The following SYT11 variants were observed in gnomAD, a reference collection of about 807,000 sequenced individuals.
The protein encoded by SYT11 is synaptotagmin 11, also known as synaptotagmin-11.
A neutral mutation model predicts 30.4 loss-of-function variants in SYT11; 12 were observed. The observed-to-expected ratio is 0.39, with a 90% CI of 0.25 to 0.64. SYT11 has a LOEUF of 0.64. Among genes scored for constraint, SYT11 ranks in the 30% least tolerant of loss-of-function variants. The probability of loss-of-function intolerance (pLI) is 0.45; values close to 1 mark genes in which losing one functional copy is unlikely to be tolerated. For synonymous variants in SYT11, 204 were observed against 216.0 expected (o/e 0.94, Z 0.49); for missense variants, 412 against 552.0 (o/e 0.75, Z 2.54).
chr1:155,874,632 T>G (rs1041235858), intron 2 of SYT11, among the ~76,000 whole-genome samples: 1 of 149,828 alleles, frequency 6.7e-6, no homozygotes, highest in Non-Finnish European at 1.5e-5. Flanking sequence ...GGCTGACGCC[T>G]GTAATCCCAG....
chr1:155,877,799 G>A (rs897614090), intron 2 of SYT11, among the ~76,000 whole-genome samples: 2 of 151,964 alleles, frequency 1.3e-5, no homozygotes, highest in African/African-American at 4.8e-5. Flanking sequence ...CTCGTGATCC[G>A]CCTGCCTCGG....
chr1:155,878,718 T>A (rs1445146248), intron 2 of SYT11, among the ~76,000 whole-genome samples: 2 of 151,124 alleles, frequency 1.3e-5, no homozygotes, highest in Non-Finnish European at 3.0e-5. Context: ...ACAAAAAAAA[T>A]TAGCCGGGCG....
intron 2 of SYT11, among the ~76,000 whole-genome samples, chr1:155,874,596 A>T (rs1163050451): frequency 6.7e-6 from 1 of 149,408 alleles, no homozygotes; most frequent in Non-Finnish European, 1.5e-5. Context: ...CCCTATCTCA[A>T]AAATAAAAAT....
intron 1 of SYT11, among the ~76,000 whole-genome samples, chr1:155,866,530 T>C (rs1002202383): frequency 2.0e-4 from 30 of 152,256 alleles, no homozygotes; most frequent in Non-Finnish European, 2.5e-4. Context: ...ATGAGACTTA[T>C]ATTCTAGTGA....
At chr1:155,873,709 C>T (rs942002602) in intron 2 of SYT11, among the ~76,000 whole-genome samples, 1 of 152,126 alleles carries the variant, frequency 6.6e-6, no homozygotes, top group Non-Finnish European at 1.5e-5. Flanking sequence ...CTACTAGCTA[C>T]ATGTCGCTAT....
intron 2 of SYT11, among the ~76,000 whole-genome samples, chr1:155,875,150 G>A (rs1047036492): frequency 7.1e-6 from 1 of 140,866 alleles, no homozygotes; most frequent in African/African-American, 2.5e-5. Context: ...CTACTCGGGA[G>A]GCTGAGGCAG....
rs538523226 is a variant in SYT11, at chr1:155,878,614, C to A, written c.862-1886C>A. ...GGCGCGGTGGCTCACGCCTGTAATC[C>A]CAGCACTTTGGGAGGCCGAGACGGG... On this transcript the variant is annotated intron_variant, in intron 2 of 3. Coordinates refer to ENST00000368324, the MANE Select transcript of SYT11 (RefSeq NM_152280.5). Among the ~76,000 whole-genome samples, 192 of 152,172 alleles carry A rather than the reference C, an allele frequency of 1.3e-3. 1 individual carries two copies. Among genetic ancestry groups the A allele is most frequent in the African/African-American group, 4.4e-3 (181 of 41,502 alleles).
chr1:155,875,877 A>G lies in SYT11; in HGVS notation c.862-4623A>G, dbSNP rs144232501. 4.0e-3 allele frequency among the ~76,000 whole-genome samples: 602 copies of G among 152,266 alleles called. 5 individuals are homozygous for G. The highest frequency in any genetic ancestry group is 0.014 in the African/African-American group (577 of 41,552). On this transcript the variant is annotated intron_variant, in intron 2 of 3. Coordinates refer to ENST00000368324, the MANE Select transcript of SYT11 (RefSeq NM_152280.5). Reference sequence around the variant, plus strand: ...GCTTATTTCTTGTTTTTTATTGATGAGTTAATTGGCATATTTGCTGCCGCT... The same window carrying G: ...GCTTATTTCTTGTTTTTTATTGATGGGTTAATTGGCATATTTGCTGCCGCT...
chr1:155,878,191 C>T (rs12566389), intron 2 of SYT11, among the ~76,000 whole-genome samples: 2 of 150,270 alleles, frequency 1.3e-5, no homozygotes, highest in African/African-American at 2.5e-5. Flanking sequence ...TGCAGAAAGC[C>T]GAGATCTCAC....
intron 1 of SYT11, among the ~76,000 whole-genome samples, chr1:155,866,520 A>G (rs1672678724): frequency 1.3e-5 from 2 of 152,234 alleles, no homozygotes; most frequent in Non-Finnish European, 2.9e-5. Context: ...TTTTGTCCTC[A>G]TGAGACTTAT....
intron 2 of SYT11, among the ~76,000 whole-genome samples, chr1:155,873,559 T>G (rs951079598): frequency 2.6e-5 from 4 of 152,234 alleles, no homozygotes; most frequent in Admixed American, 6.5e-5. Context: ...GAAATGGATA[T>G]ATCAAACCTA....
At chr1:155,865,044 T>C (rs1410415123) in intron 1 of SYT11, among the ~76,000 whole-genome samples, 4 of 152,140 alleles carry the variant, frequency 2.6e-5, no homozygotes, top group Non-Finnish European at 2.9e-5. Flanking sequence ...GGAGGCTGTT[T>C]TGAATTCACT....
chr1:155,879,612 C>G (rs147761017), intron 2 of SYT11, among the ~76,000 whole-genome samples: 2 of 152,242 alleles, frequency 1.3e-5, no homozygotes, highest in Non-Finnish European at 2.9e-5. Flanking sequence ...GGGACAGGTT[C>G]AGGGACTTGC....
At chr1:155,866,111 T>C (rs956039780) in intron 1 of SYT11, among the ~76,000 whole-genome samples, 3 of 56,232 alleles carry the variant, frequency 5.3e-5, no homozygotes, top group Non-Finnish European at 1.5e-4. Flanking sequence ...TTCTCTTTTT[T>C]TTTTCTTTTT....
intron 2 of SYT11, among the ~76,000 whole-genome samples, chr1:155,872,145 T>C (rs1357275570): frequency 6.6e-6 from 1 of 152,086 alleles, no homozygotes; most frequent in Non-Finnish European, 1.5e-5. Flanking sequence ...ACCCCTGTAA[T>C]ACTAGCACTT....
chr1:155,876,052 G>C (rs1164695800), intron 2 of SYT11, among the ~76,000 whole-genome samples: 1 of 152,020 alleles, frequency 6.6e-6, no homozygotes, highest in African/African-American at 2.4e-5. Context: ...TCATTTTTGT[G>C]GGTGTGTGGT....
intron 2 of SYT11, among the ~76,000 whole-genome samples, chr1:155,879,559 G>A (rs1672927975): frequency 6.6e-6 from 1 of 152,326 alleles, no homozygotes; most frequent in African/African-American, 2.4e-5. Flanking sequence ...AGTGCACATT[G>A]GGGTGGGCAG....
At chr1:155,859,826 G>T (rs1672520526) in intron 1 of SYT11, 31 bp downstream of exon 1, 2 of 1,611,630 alleles carry the variant, frequency 1.2e-6, no homozygotes, top group South Asian at 1.1e-5. Context: ...TAAGCTTGAG[G>T]TGGTCAGAAT....
chr1:155,876,961 T>C (rs1334331742), intron 2 of SYT11, among the ~76,000 whole-genome samples: 2 of 94,958 alleles, frequency 2.1e-5, no homozygotes, highest in African/African-American at 6.2e-5. Flanking sequence ...AATTTTTCTA[T>C]TTCTTTTTTT....
Sources: allele counts gnomAD v4.1 joint callset (sites outside exome capture counted in the v4.1 genomes callset), GRCh38; gene constraint gnomAD v4.1.1; transcripts MANE v1.5; gene names NCBI Gene and HGNC (gene_info 2026-07-23, HGNC 2026-07-21).